Variants in RBFOX1 observed in about 807,000 individuals in gnomAD.
The protein encoded by RBFOX1 is RNA binding fox-1 homolog 1, also known as RNA binding protein fox-1 homolog 1.
In RBFOX1, 8 loss-of-function variants were observed where a neutral mutation model predicts 57.7. The ratio of observed to expected loss-of-function variants is 0.14; its 90% CI spans 0.08 to 0.25. The LOEUF (loss-of-function observed/expected upper bound fraction) is 0.25. RBFOX1 is among the 10% of genes least tolerant of loss of function. RBFOX1 has a pLI of 1.00. For missense variants in RBFOX1, 611 were observed against 548.5 expected, an observed-to-expected ratio of 1.11 and a Z score of -1.14; for synonymous variants, 326 against 222.4, an observed-to-expected ratio of 1.47 and a Z score of -4.15.
intron 1 of RBFOX1, among the ~76,000 whole-genome samples, chr16:6,041,529 C>A (rs543623534): frequency 6.6e-6 from 1 of 152,114 alleles, no homozygotes; most frequent in African/African-American, 2.4e-5. Flanking sequence ...TCATATTTAT[C>A]ATCCACATTT....
At chr16:7,703,370 G>A (rs898398304) in intron 14 of RBFOX1, among the ~76,000 whole-genome samples, 7 of 152,138 alleles carry the variant, frequency 4.6e-5, no homozygotes, top group Admixed American at 2.6e-4. Flanking sequence ...TGTTTAGGAT[G>A]TCTTTGCTAC....
At chr16:6,055,121 G>T (rs1567344360) in intron 1 of RBFOX1, among the ~76,000 whole-genome samples, 3 of 152,054 alleles carry the variant, frequency 2.0e-5, no homozygotes, top group African/African-American at 7.2e-5. Flanking sequence ...TCTTTTTTGG[G>T]ATGCAAAACT....
intron 3 of RBFOX1, among the ~76,000 whole-genome samples, chr16:5,623,766 C>G (rs757178698): frequency 7.9e-5 from 12 of 152,082 alleles, no homozygotes; most frequent in Non-Finnish European, 1.5e-4. Flanking sequence ...CCCATCTCTC[C>G]CTCTCAATCT....
chr16:5,416,757 C>A (rs1031316395), intron 1 of RBFOX1, among the ~76,000 whole-genome samples: 2 of 151,980 alleles, frequency 1.3e-5, no homozygotes, highest in Non-Finnish European at 2.9e-5. Context: ...GAATCAACTC[C>A]CCTTGTCTCA....
intron 1 of RBFOX1, among the ~76,000 whole-genome samples, chr16:5,363,654 C>A (rs1048165149): frequency 3.9e-5 from 6 of 152,272 alleles, no homozygotes; most frequent in Non-Finnish European, 8.8e-5. Flanking sequence ...TGAATCATGA[C>A]CCTTCTTGCA....
intron 1 of RBFOX1, among the ~76,000 whole-genome samples, chr16:5,456,607 A>G (rs563696868): frequency 2.0e-5 from 3 of 152,204 alleles, no homozygotes; most frequent in Non-Finnish European, 4.4e-5. Context: ...CTCACCTGCC[A>G]CACACAGTCA....
chr16:6,120,505 C>T (rs1400229278), intron 1 of RBFOX1, among the ~76,000 whole-genome samples: 1 of 152,072 alleles, frequency 6.6e-6, no homozygotes, highest in African/African-American at 2.4e-5. Context: ...GTCATGGGAT[C>T]TTGGGTGGGT....
intron 4 of RBFOX1, among the ~76,000 whole-genome samples, chr16:7,198,908 C>T (rs534511986): frequency 1.3e-5 from 2 of 152,272 alleles, no homozygotes; most frequent in South Asian, 2.1e-4. Context: ...AGTTGGCTGC[C>T]TTGTTCACAG....
chr16:7,427,035 G>A (rs878914835), intron 4 of RBFOX1, among the ~76,000 whole-genome samples: 1 of 152,224 alleles, frequency 6.6e-6, no homozygotes, highest in African/African-American at 2.4e-5. Context: ...AACACTGCGT[G>A]TTCTCACTCA....
chr16:5,403,000 G>GTGCA (rs897255788), intron 1 of RBFOX1, among the ~76,000 whole-genome samples: 5 of 152,122 alleles, frequency 3.3e-5, no homozygotes, highest in African/African-American at 4.8e-5. Context: ...GTCCCAACAT[G>GTGCA]TGCATGCATG....
chr16:5,550,974 T>A (rs183283732), intron 2 of RBFOX1, among the ~76,000 whole-genome samples: 27 of 152,204 alleles, frequency 1.8e-4, no homozygotes, highest in Non-Finnish European at 3.5e-4. Flanking sequence ...TTGAGAAGGA[T>A]CCAACTGTCT....
At chr16:7,245,325 A>T (rs796368381) in intron 4 of RBFOX1, among the ~76,000 whole-genome samples, 13 of 152,070 alleles carry the variant, frequency 8.5e-5, no homozygotes, top group East Asian at 5.8e-4. Context: ...GAGTTTTTTT[A>T]AATTTTATTT....
At chr16:5,609,479 G>C (rs985284369) in intron 3 of RBFOX1, among the ~76,000 whole-genome samples, 2 of 152,182 alleles carry the variant, frequency 1.3e-5, no homozygotes, top group African/African-American at 4.8e-5. Context: ...TATTCAAGAA[G>C]GCTATTTCCT....
chr16:5,743,453 T>G (rs1050169363), intron 3 of RBFOX1, among the ~76,000 whole-genome samples: 1 of 152,186 alleles, frequency 6.6e-6, no homozygotes, highest in Non-Finnish European at 1.5e-5. Flanking sequence ...AGGAACATAG[T>G]ACCTACAAGC....
intron 2 of RBFOX1, among the ~76,000 whole-genome samples, chr16:6,431,539 C>T (rs944781318): frequency 6.6e-6 from 1 of 151,914 alleles, no homozygotes; most frequent in African/African-American, 2.4e-5. Flanking sequence ...AATCTACAAG[C>T]AGATAAAACA....
At chr16:5,464,264 T>G (rs1404506320) in intron 1 of RBFOX1, among the ~76,000 whole-genome samples, 1 of 152,222 alleles carries the variant, frequency 6.6e-6, no homozygotes, top group Non-Finnish European at 1.5e-5. Context: ...GGACTAGAAC[T>G]GCACAGTCAG....
At chr16:5,656,011 TTG>T (rs1188318678) in intron 3 of RBFOX1, among the ~76,000 whole-genome samples, 1 of 152,246 alleles carries the variant, frequency 6.6e-6, no homozygotes, top group African/African-American at 2.4e-5. Flanking sequence ...AGTGTTGGAC[TTG>T]TAGTACGTGC....
intron 1 of RBFOX1, among the ~76,000 whole-genome samples, chr16:5,345,195 C>T (rs925904604): frequency 1.3e-5 from 2 of 152,156 alleles, no homozygotes; most frequent in Non-Finnish European, 2.9e-5. Flanking sequence ...GGGTGGAAGC[C>T]AGTCCCTTTC....
At chr16:7,116,714 G>C (rs545987970) in intron 4 of RBFOX1, among the ~76,000 whole-genome samples, 292 of 152,270 alleles carry the variant, frequency 1.9e-3, no homozygotes, top group African/African-American at 6.3e-3. Flanking sequence ...GTTAAGGTAC[G>C]TGGAGACAGA....
Sources: gnomAD v4.1 joint callset for allele counts (sites outside exome capture counted in the v4.1 genomes callset) on GRCh38, gnomAD v4.1.1 for gene constraint, MANE v1.5 for transcripts, NCBI Gene and HGNC (gene_info 2026-07-23, HGNC 2026-07-21) for gene names.